FNDC3A: variants seen among roughly 807,000 people sequenced by gnomAD.
The protein encoded by FNDC3A is fibronectin type III domain containing 3A.
FNDC3A carries 32 observed loss-of-function variants against 148.9 expected under a neutral mutation model. The ratio of observed to expected loss-of-function variants is 0.21; its 90% CI spans 0.16 to 0.29. The LOEUF (loss-of-function observed/expected upper bound fraction) is 0.29, where lower values mean the gene tolerates loss of function less well. FNDC3A is among the 10% of genes least tolerant of loss of function. FNDC3A has a pLI of 1.00. For synonymous variants in FNDC3A, 472 were observed against 473.6 expected, an observed-to-expected ratio of 1.00 and a Z score of 0.04; for missense variants, 1,191 against 1,452.8, an observed-to-expected ratio of 0.82 and a Z score of 2.93.
chr13:49,136,428 C>T lies in FNDC3A; in HGVS notation c.587C>T (p.Thr196Ile). The change falls in exon 6 of 26, where the codon ACA (threonine) becomes ATA (isoleucine). Residue 196 changes from threonine to isoleucine, a missense_variant. Thr to Ile is a moderately conservative substitution (Grantham distance 89, BLOSUM62 -1). This residue lies in a region of FNDC3A where 426 missense variants were observed against 473.2 expected (regional missense o/e 0.90). Transcript: ENST00000492622. The part of the protein sequence containing the change: ...LQKKLKDRQG[T>I]QKDKMSSPPS... ...AAAAAATTGAAGGATCGCCAAGGAACACAGAAAGATAAAATGAGCAGTCCA... is the reference window on the plus strand; with the variant it reads ...AAAAAATTGAAGGATCGCCAAGGAATACAGAAAGATAAAATGAGCAGTCCA... 6.2e-7 allele frequency: 1 copy of T among 1,613,996 alleles called. No homozygotes were observed. The highest frequency in any genetic ancestry group is 8.5e-7 in the Non-Finnish European group (1 of 1,179,966).
At chr13:49,176,995 G>A (rs891408656) in intron 13 of FNDC3A, among the ~76,000 whole-genome samples, 3 of 152,036 alleles carry the variant, frequency 2.0e-5, no homozygotes, top group Admixed American at 6.6e-5. Flanking sequence ...ACAGAGTTTC[G>A]CTATGTTGCC....
At chr13:49,030,978 T>G (rs900383878) in intron 2 of FNDC3A, among the ~76,000 whole-genome samples, 1 of 152,210 alleles carries the variant, frequency 6.6e-6, no homozygotes, top group African/African-American at 2.4e-5. Context: ...GCTTACTTCT[T>G]TGTAGCTATT....
chr13:49,152,505 A>C (rs889243495), intron 8 of FNDC3A, among the ~76,000 whole-genome samples: 2 of 137,510 alleles, frequency 1.5e-5, no homozygotes, highest in Non-Finnish European at 3.2e-5. Context: ...TGCAAAAAAA[A>C]TTGTTTGGTT....
intron 14 of FNDC3A, among the ~76,000 whole-genome samples, chr13:49,178,968 C>G (rs1466943699): frequency 6.6e-6 from 1 of 152,194 alleles, no homozygotes; most frequent in Non-Finnish European, 1.5e-5. Flanking sequence ...TTCAAGTGAT[C>G]TTCCTGCCTC....
intron 2 of FNDC3A, among the ~76,000 whole-genome samples, chr13:49,006,654 CGTT>C (rs1952226728): frequency 6.6e-6 from 1 of 151,812 alleles, no homozygotes; most frequent in South Asian, 2.1e-4. Context: ...AATAATGAAA[CGTT>C]GTCTTTTCCC....
intron 1 of FNDC3A, among the ~76,000 whole-genome samples, chr13:48,990,472 C>T (rs1336738616): frequency 1.3e-5 from 2 of 150,488 alleles, no homozygotes; most frequent in African/African-American, 4.9e-5. Context: ...ATGACAGTTG[C>T]CAGGTGTGGT....
chr13:49,049,946 C>T (rs1279610358), intron 2 of FNDC3A, among the ~76,000 whole-genome samples: 1 of 152,178 alleles, frequency 6.6e-6, no homozygotes, highest in Non-Finnish European at 1.5e-5. Context: ...TCGTGAACTC[C>T]TGACCTCAGG....
At chr13:49,183,753 C>T (rs9535166) in intron 14 of FNDC3A, among the ~76,000 whole-genome samples, 47,809 of 151,952 alleles carry the variant, frequency 0.31, 7,614 homozygotes, top group South Asian at 0.48. Context: ...ACTGAGGAAG[C>T]CTGAGCAAAA....
At chr13:49,038,659 A>G (rs200283833) in intron 2 of FNDC3A, among the ~76,000 whole-genome samples, 1 of 152,200 alleles carries the variant, frequency 6.6e-6, no homozygotes, top group Non-Finnish European at 1.5e-5. Context: ...GAACATGAAT[A>G]TATGTTTTTG....
intron 4 of FNDC3A, among the ~76,000 whole-genome samples, chr13:49,114,994 A>G (rs1273962044): frequency 6.6e-6 from 1 of 152,174 alleles, no homozygotes; most frequent in Non-Finnish European, 1.5e-5. Context: ...CCCTAAATAT[A>G]TGACTAAATA....
In FNDC3A at chr13:49,172,022, GT is replaced by G; in HGVS notation, c.1177-15del. ...GAATGTACTAATTTGTTTTCATTTT[GT>G]TTTTTGGTGTTGGTTTTAGGCACCT... On this transcript the variant is annotated intron_variant, in intron 10 of 25. Transcript: ENST00000492622. 2 of 1,578,746 alleles carry G rather than the reference GT, an allele frequency of 1.3e-6. No individual in the cohort carries two copies. Among genetic ancestry groups the G allele is most frequent in the Non-Finnish European group, 1.7e-6 (2 of 1,153,224 alleles).
chr13:49,099,522 T>C (rs1223443413), intron 3 of FNDC3A, among the ~76,000 whole-genome samples: 1 of 152,056 alleles, frequency 6.6e-6, no homozygotes, highest in Non-Finnish European at 1.5e-5. Flanking sequence ...GTTAAATAAA[T>C]AAATATGAGG....
intron 3 of FNDC3A, among the ~76,000 whole-genome samples, chr13:49,076,071 A>G (rs1339203885): frequency 2.0e-5 from 3 of 152,006 alleles, no homozygotes; most frequent in African/African-American, 7.2e-5. Flanking sequence ...GATATCCCCA[A>G]ATATTCCCTG....
At chr13:49,091,343 TA>T (rs533316300) in intron 3 of FNDC3A, among the ~76,000 whole-genome samples, 113 of 134,256 alleles carry the variant, frequency 8.4e-4, no homozygotes, top group Middle Eastern at 3.7e-3. Context: ...AATACAGACT[TA>T]AAAAAAAAAA....
chr13:49,063,427 A>T (rs747361904), intron 2 of FNDC3A, among the ~76,000 whole-genome samples: 9 of 152,210 alleles, frequency 5.9e-5, no homozygotes, highest in Non-Finnish European at 1.3e-4. Flanking sequence ...GGCAAAATTC[A>T]TGGAAGTAGA....
chr13:49,075,399 C>A, intron 3 of FNDC3A, 35 bp downstream of exon 3: 1 of 1,262,628 alleles, frequency 7.9e-7, no homozygotes, highest in Non-Finnish European at 1.2e-6. Flanking sequence ...CATTTGAGAC[C>A]AAATAAACCC....
At chr13:49,171,121 C>G (rs1884733436) in intron 10 of FNDC3A, among the ~76,000 whole-genome samples, 1 of 152,080 alleles carries the variant, frequency 6.6e-6, no homozygotes, top group Non-Finnish European at 1.5e-5. Flanking sequence ...AACTTACAAG[C>G]AAATTCTGGC....
intron 14 of FNDC3A, among the ~76,000 whole-genome samples, chr13:49,181,307 G>A (rs551654285): frequency 3.3e-5 from 5 of 152,334 alleles, no homozygotes; most frequent in Admixed American, 6.5e-5. Flanking sequence ...TTATTAAGAT[G>A]TGGAGCAATA....
At position 49,070,888 on chromosome 13, in the gene FNDC3A, TTTTTTG is replaced by T. The variant is rs1410448339; in HGVS notation, c.100-4396_100-4391del. Among the ~76,000 whole-genome samples the T allele has an allele frequency of 4.8e-5, 7 of 145,002 alleles. No homozygotes were observed. In the East Asian group the frequency reaches 1.2e-3, roughly 24 times the overall value. On this transcript the variant is annotated intron_variant, in intron 2 of 25. Transcript: ENST00000492622. ...CCACAGATAACAGGATTTCTTTTTT[TTTTTTG>T]TTTTGTTTTTTTTCTTTTTTTTGAG...
Sources: gnomAD v4.1 joint callset for allele counts (sites outside exome capture counted in the v4.1 genomes callset) on GRCh38, gnomAD v4.1.1 for gene constraint, gnomAD v4.1.1 regional missense constraint, MANE v1.5 for transcripts, NCBI Gene and HGNC (gene_info 2026-07-23, HGNC 2026-07-21) for gene names.